Variants in LAMB3 observed in about 807,000 individuals in gnomAD.
LAMB3 encodes the protein laminin subunit beta 3.
LAMB3 carries 104 observed loss-of-function variants against 140.3 expected under a neutral mutation model. The ratio of observed to expected loss-of-function variants is 0.74; its 90% CI spans 0.63 to 0.87. LAMB3 has a LOEUF of 0.87. LAMB3 is among the 40% of genes least tolerant of loss of function. The probability of loss-of-function intolerance (pLI) is 0.00; values close to 1 mark genes in which losing one functional copy is unlikely to be tolerated. For missense variants in LAMB3, 1,531 were observed against 1,575.2 expected, an observed-to-expected ratio of 0.97 and a Z score of 0.47; for synonymous variants, 592 against 602.9, an observed-to-expected ratio of 0.98 and a Z score of 0.26.
chr1:209,640,066 G>A (rs1379441043), intron 3 of LAMB3, among the ~76,000 whole-genome samples: 1 of 152,220 alleles, frequency 6.6e-6, no homozygotes. Flanking sequence ...GGGGAGCCAG[G>A]TGTCTTGGTT....
At chr1:209,643,261 C>T (rs1032886398) in intron 3 of LAMB3, among the ~76,000 whole-genome samples, 4 of 152,182 alleles carry the variant, frequency 2.6e-5, no homozygotes, top group African/African-American at 4.8e-5. Flanking sequence ...TTGTAAGCGT[C>T]GTGTGCATGT....
In LAMB3 at chr1:209,622,660, A is replaced by G. The variant is rs568142745; in HGVS notation, c.2577T>C (p.Ser859=). 1 of 1,614,164 alleles carries G rather than the reference A, an allele frequency of 6.2e-7. No individual in the cohort carries two copies. Among genetic ancestry groups the G allele is most frequent in the African/African-American group, 1.3e-5 (1 of 75,032 alleles). ...TRQMIRAAEE[S]ASQIQSSAQR... ...GGGCACTGGATTGAATCTGTGAGGC[A>G]GATTCCTCGGCTGCCCTAATCTGTT... Residue 859 remains serine, a synonymous_variant, in exon 18 of 23, where the codon TCT becomes TCC. Transcript: ENST00000356082.
intron 3 of LAMB3, among the ~76,000 whole-genome samples, chr1:209,645,356 ACAGTAAACTCC>A (rs1354248817): frequency 6.6e-6 from 1 of 152,104 alleles, no homozygotes; most frequent in South Asian, 2.1e-4. Context: ...TTCATCCAAA[ACAGTAAACTCC>A]CAAGGTAGAG....
At position 209,615,204 on chromosome 1, in the gene LAMB3, C is replaced by T. The variant is rs1665906370; in HGVS notation, c.*67G>A. ...CTCCTGGAGATGGAAAGCATTCCAA[C>T]CCAATCTGCCCCCAACCAAAAGCAA... is the stretch of plus-strand genomic sequence containing the variant. On this transcript the variant is annotated 3_prime_UTR_variant, in exon 23 of 23. Transcript: ENST00000356082. 14 of 1,607,792 alleles carry T rather than the reference C, an allele frequency of 8.7e-6. No homozygotes were observed. Among genetic ancestry groups the T allele is most frequent in the South Asian group, 1.1e-5 (1 of 90,932 alleles).
At chr1:209,622,902 A>T in intron 17 of LAMB3, 80 bp downstream of exon 17, 3 of 1,524,934 alleles carry the variant, frequency 2.0e-6, no homozygotes, top group Non-Finnish European at 2.7e-6. Flanking sequence ...TTAGTGTAAA[A>T]TGGGAACTCT....
chr1:209,636,066 G>A (rs1044348718), intron 5 of LAMB3, among the ~76,000 whole-genome samples: 21 of 152,170 alleles, frequency 1.4e-4, no homozygotes, highest in African/African-American at 5.1e-4. Context: ...GCATTCTCCT[G>A]CTCACGTCTG....
rs779635664 is a variant in LAMB3, at chr1:209,638,517, A to G, written c.298+17T>C. 3.3e-6 allele frequency: 5 copies of G among 1,521,722 alleles called. No individual in the cohort carries two copies. The Admixed American group carries it at 5.0e-5, about 15-fold the overall frequency. The allele number at this position is 1,521,722 out of a possible 1,614,324, so 94.3% of individuals were successfully genotyped here. A position where few individuals can be genotyped will look rare whatever the true frequency, so the allele number is the denominator to read the frequency against. On this transcript the variant is annotated intron_variant, in intron 4 of 22. Transcript: ENST00000356082. ...GAGGCTGTACAGTTTGAGTTCCCGT[A>G]GATGGCAAATGCTCACCATTCTGTG...
At chr1:209,627,724 C>T in intron 11 of LAMB3, 145 bp from the exon 12 acceptor site, 2 of 818,550 alleles carry the variant, frequency 2.4e-6, no homozygotes, top group Non-Finnish European at 4.0e-6. Context: ...TCACAGGACC[C>T]CTGCGCTGTC....
At chr1:209,645,403 G>A (rs2102458271) in intron 3 of LAMB3, among the ~76,000 whole-genome samples, 1 of 152,014 alleles carries the variant, frequency 6.6e-6, no homozygotes, top group East Asian at 1.9e-4. Context: ...ACCTGCTTAG[G>A]GCTTCTGGGA....
At chr1:209,627,337 ACCCCCCTC>A in intron 12 of LAMB3, 38 bp downstream of exon 12, 1 of 1,497,874 alleles carries the variant, frequency 6.7e-7, no homozygotes, top group Non-Finnish European at 9.2e-7. Context: ...GGTGCTCAGG[ACCCCCCTC>A]CCACTGAGGG....
In LAMB3 at chr1:209,637,198, T is replaced by C. The variant is rs1005106860; in HGVS notation, c.372+710A>G. Among the ~76,000 whole-genome samples, 9 of 152,222 alleles carry C rather than the reference T, an allele frequency of 5.9e-5. No individual in the cohort carries two copies. The East Asian group carries it at 1.7e-3, about 29-fold the overall frequency. On this transcript the variant is annotated intron_variant, in intron 5 of 22. Transcript: ENST00000356082. The stretch of plus-strand genomic sequence containing the variant: ...GGGCAAGGCTCTTAGAGCCAACTTC[T>C]TCAGTCATGTAAGAAATTAGGTCCT...
chr1:209,642,781 G>A (rs878976435), intron 3 of LAMB3, among the ~76,000 whole-genome samples: 5 of 152,080 alleles, frequency 3.3e-5, no homozygotes, highest in African/African-American at 1.2e-4. Flanking sequence ...CACCCAGCTT[G>A]TTTAAATTTT....
chr1:209,625,126 C>T (rs1336047911), intron 14 of LAMB3, among the ~76,000 whole-genome samples: 2 of 152,176 alleles, frequency 1.3e-5, no homozygotes, highest in Non-Finnish European at 2.9e-5. Flanking sequence ...CACTCACACA[C>T]CTGGATGGCT....
At chr1:209,634,944 TC>T (rs1666844127) in intron 5 of LAMB3, among the ~76,000 whole-genome samples, 1 of 148,232 alleles carries the variant, frequency 6.7e-6, no homozygotes, top group Admixed American at 6.8e-5. Flanking sequence ...TCTCTCTCTC[TC>T]TCTCTCTCTC....
chr1:209,634,789 G>T, intron 5 of LAMB3, 151 bp from the exon 6 acceptor site: 2 of 646,638 alleles, frequency 3.1e-6, no homozygotes, highest in Non-Finnish European at 5.4e-6. Context: ...CAAACCTCCT[G>T]GCATACCACA....
chr1:209,627,905 G>A (rs533703178), intron 11 of LAMB3, 130 bp downstream of exon 11: 65 of 1,251,550 alleles, frequency 5.2e-5, no homozygotes, highest in African/African-American at 3.7e-4. Context: ...GCAAAGGCCC[G>A]GGCATACCCC....
intron 4 of LAMB3, 93 bp from the exon 5 acceptor site, chr1:209,638,074 A>T (rs1666950803): frequency 2.9e-6 from 3 of 1,021,428 alleles, no homozygotes; most frequent in Non-Finnish European, 4.5e-6. Context: ...CTAGGAACTC[A>T]GAAACTCTCT....
chr1:209,637,787 T>C (rs1272132791), intron 5 of LAMB3, 121 bp downstream of exon 5: 2 of 807,544 alleles, frequency 2.5e-6, no homozygotes, highest in African/African-American at 1.7e-5. Context: ...CACCATGATA[T>C]AGGCTCATGG....
chr1:209,630,589 G>A (rs1666644639), intron 9 of LAMB3, 26 bp downstream of exon 9: 2 of 1,614,028 alleles, frequency 1.2e-6, no homozygotes, highest in Non-Finnish European at 1.7e-6. Flanking sequence ...AGACCCTACA[G>A]GGGAGGGGTG....
Sources: allele counts gnomAD v4.1 joint callset (sites outside exome capture counted in the v4.1 genomes callset), GRCh38; gene constraint gnomAD v4.1.1; transcripts MANE v1.5; gene names NCBI Gene and HGNC (gene_info 2026-07-23, HGNC 2026-07-21).